FAM171A1: variants seen among roughly 807,000 people sequenced by gnomAD.
FAM171A1 encodes family with sequence similarity 171 member A1.
A neutral mutation model predicts 74.9 loss-of-function variants in FAM171A1; 23 were observed. That is an observed-to-expected ratio of 0.31 (90% CI 0.22 to 0.44). The LOEUF (loss-of-function observed/expected upper bound fraction) is 0.44. Ranked by LOEUF, FAM171A1 falls within the 20% of genes least tolerant of loss-of-function variation. FAM171A1 has a pLI of 1.00. For missense variants in FAM171A1, 1,162 were observed against 1,159.2 expected, an observed-to-expected ratio of 1.00 and a Z score of -0.03; for synonymous variants, 527 against 505.7, an observed-to-expected ratio of 1.04 and a Z score of -0.57.
intron 5 of FAM171A1, among the ~76,000 whole-genome samples, chr10:15,226,271 A>T (rs1289851304): frequency 6.6e-6 from 1 of 152,124 alleles, no homozygotes; most frequent in African/African-American, 2.4e-5. Context: ...CTCTGTTCCA[A>T]TCAACGCCTA....
intron 1 of FAM171A1, among the ~76,000 whole-genome samples, chr10:15,288,937 C>T (rs1469905763): frequency 2.0e-5 from 3 of 150,842 alleles, no homozygotes; most frequent in African/African-American, 7.3e-5. Context: ...ATTCTCCTGC[C>T]TCAGCCTCCC....
chr10:15,344,749 T>C (rs1835800669), intron 1 of FAM171A1, among the ~76,000 whole-genome samples: 1 of 152,236 alleles, frequency 6.6e-6, no homozygotes, highest in East Asian at 1.9e-4. Flanking sequence ...TCTAGCTATG[T>C]TGTCCTGTGT....
intron 1 of FAM171A1, among the ~76,000 whole-genome samples, chr10:15,350,620 C>T (rs1244221921): frequency 2.0e-5 from 3 of 150,196 alleles, no homozygotes; most frequent in African/African-American, 4.9e-5. Context: ...GGATTACAGG[C>T]GTGAGCCACT....
chr10:15,259,199 G>T (rs1169691349), intron 3 of FAM171A1, among the ~76,000 whole-genome samples: 2 of 152,112 alleles, frequency 1.3e-5, no homozygotes, highest in East Asian at 3.8e-4. Flanking sequence ...TGCCAAGACT[G>T]GCCAATCTTC....
intron 4 of FAM171A1, 103 bp downstream of exon 4, chr10:15,254,618 C>G (rs1244460718): frequency 2.3e-6 from 3 of 1,291,154 alleles, no homozygotes. Flanking sequence ...ACCTTCAGTG[C>G]CTTTCTCCCA....
chr10:15,343,697 C>T (rs1238083841), intron 1 of FAM171A1, among the ~76,000 whole-genome samples: 1 of 152,150 alleles, frequency 6.6e-6, no homozygotes, highest in South Asian at 2.1e-4. Context: ...ACTGCACAGG[C>T]CGGTGGTCAG....
rs778058939 is a variant in FAM171A1, at chr10:15,213,608, G to A, written c.1980C>T (p.Asn660=). Residue 660 remains asparagine (N), a synonymous_variant, in exon 8 of 8, where the codon AAC becomes AAT. Transcript: ENST00000378116. The surrounding 1 kb of genome is among the most constrained non-coding windows in gnomAD (Gnocchi z 6.8). ...TGGAGAGAGACTCCGACATGGATGC[G>A]TTCTGAGGGCTCCACTCCCGGGTGC... ...DAGTREWSPQ[N]ASMSESLSIP... 16 of 1,614,042 alleles carry A rather than the reference G, an allele frequency of 9.9e-6. No individual in the cohort carries two copies. The highest frequency in any genetic ancestry group is 8.9e-5 in the East Asian group (4 of 44,890).
intron 5 of FAM171A1, among the ~76,000 whole-genome samples, chr10:15,245,492 A>G (rs1404047288): frequency 2.0e-5 from 3 of 152,186 alleles, no homozygotes; most frequent in Admixed American, 6.5e-5. Flanking sequence ...CTTAAAATCA[A>G]TCTCTCCAAA....
chr10:15,228,336 A>ATTT (rs71390021), intron 5 of FAM171A1, among the ~76,000 whole-genome samples: 1,570 of 123,920 alleles, frequency 0.013, 20 homozygotes, highest in Middle Eastern at 0.026. Flanking sequence ...AAGTGGGAGT[A>ATTT]TTTTTTTTTT....
At chr10:15,269,636 C>A (rs1834795787) in intron 3 of FAM171A1, among the ~76,000 whole-genome samples, 1 of 152,154 alleles carries the variant, frequency 6.6e-6, no homozygotes. Flanking sequence ...TAAAGCCACA[C>A]TGGCCTGCTT....
chr10:15,360,873 C>T (rs757211443), intron 1 of FAM171A1, among the ~76,000 whole-genome samples: 5 of 152,150 alleles, frequency 3.3e-5, no homozygotes, highest in East Asian at 1.9e-4. Flanking sequence ...GCCACACTTT[C>T]GACTTTTTAC....
chr10:15,262,589 C>T lies in FAM171A1; in HGVS notation c.419-7710G>A, dbSNP rs937682955. On this transcript the variant is annotated intron_variant, in intron 3 of 7. Transcript: ENST00000378116. ...TCAGCAAGAGGGATTTCTAAGGAAT[C>T]GTGTGAGGCAGCACAAAAGGGAGTT... is the stretch of plus-strand genomic sequence containing the variant. Among the ~76,000 whole-genome samples, 7 of 152,114 alleles carry T rather than the reference C, an allele frequency of 4.6e-5. No homozygotes were observed. The East Asian group carries it at 1.4e-3, about 29-fold the overall frequency.
chr10:15,213,022 C>T lies in FAM171A1; in HGVS notation c.2566G>A (p.Ala856Thr), dbSNP rs2131697452. Residue 856 changes from alanine to threonine, a missense_variant, in exon 8 of 8, where the codon GCC becomes ACC. Transcript: ENST00000378116. This position sits in a 1 kb window ranked among gnomAD's most constrained non-coding sequence, Gnocchi z 6.8. ...PAASPHQRRSAHEEEEDDDDD... is the reference protein window; with the variant it reads ...PAASPHQRRSTHEEEEDDDDD... ...TCATCGTCTTCCTCTTCCTCGTGGG[C>T]AGATCTTCTCTGGTGGGGGCTGGCT... 6.2e-7 allele frequency: 1 copy of T among 1,614,058 alleles called. No homozygotes were observed. The highest frequency in any genetic ancestry group is 2.2e-5 in the East Asian group (1 of 44,856).
chr10:15,296,475 G>A (rs1835162472), intron 1 of FAM171A1, among the ~76,000 whole-genome samples: 1 of 152,110 alleles, frequency 6.6e-6, no homozygotes, highest in South Asian at 2.1e-4. Context: ...TAAAGCATTT[G>A]GCAATCCTTG....
chr10:15,302,806 C>T (rs1197044725), intron 1 of FAM171A1, among the ~76,000 whole-genome samples: 1 of 152,218 alleles, frequency 6.6e-6, no homozygotes, highest in African/African-American at 2.4e-5. Context: ...AATACTATTT[C>T]TGCTTTCTAC....
chr10:15,232,239 G>C (rs1252566744), intron 5 of FAM171A1, among the ~76,000 whole-genome samples: 1 of 152,160 alleles, frequency 6.6e-6, no homozygotes, highest in Non-Finnish European at 1.5e-5. Flanking sequence ...CTGTCCCCGA[G>C]ATAAGCCCAC....
At chr10:15,350,102 C>T (rs540725603) in intron 1 of FAM171A1, among the ~76,000 whole-genome samples, 8 of 152,152 alleles carry the variant, frequency 5.3e-5, no homozygotes, top group Admixed American at 3.9e-4. Flanking sequence ...GTGATGCCCC[C>T]GTGGTATGAG....
At chr10:15,283,073 A>T (rs1834990678) in intron 2 of FAM171A1, among the ~76,000 whole-genome samples, 1 of 152,214 alleles carries the variant, frequency 6.6e-6, no homozygotes, top group South Asian at 2.1e-4. Context: ...TGCGACACCC[A>T]TTCCTCTCCT....
intron 1 of FAM171A1, among the ~76,000 whole-genome samples, chr10:15,297,310 C>T (rs950795511): frequency 7.2e-5 from 11 of 152,240 alleles, no homozygotes; most frequent in African/African-American, 2.4e-4. Flanking sequence ...CCACCCACCT[C>T]GGATTCCCAA....
Sources: gnomAD v4.1 joint callset for allele counts (sites outside exome capture counted in the v4.1 genomes callset) on GRCh38, gnomAD v4.1.1 for gene constraint, Gnocchi (gnomAD v3.1) non-coding constraint, MANE v1.5 for transcripts, NCBI Gene and HGNC (gene_info 2026-07-23, HGNC 2026-07-21) for gene names.